LRBA: variants seen among roughly 807,000 people sequenced by gnomAD.
LRBA encodes lipopolysaccharide-responsive and beige-like anchor protein.
In LRBA, 176 loss-of-function variants were observed where a neutral mutation model predicts 330.0. The ratio of observed to expected loss-of-function variants is 0.53; its 90% CI spans 0.47 to 0.60. The LOEUF (loss-of-function observed/expected upper bound fraction) is 0.60, where lower values mean the gene tolerates loss of function less well. LRBA is among the 20% of genes least tolerant of loss of function. The pLI is 0.00. For synonymous variants in LRBA, 1,230 were observed against 1,193.0 expected (o/e 1.03, Z -0.64); for missense variants, 3,259 against 3,444.8 (o/e 0.95, Z 1.35).
At chr4:150,915,781 G>A (rs16998833) in intron 7 of LRBA, 54 bp from the exon 8 acceptor site, 37,176 of 1,442,128 alleles carry the variant, frequency 0.026, 557 homozygotes, top group Middle Eastern at 0.04. Context: ...TCCCAATAAC[G>A]CAACCATACT....
intron 47 of LRBA, among the ~76,000 whole-genome samples, chr4:150,374,395 T>C (rs946963471): frequency 2.0e-5 from 3 of 152,204 alleles, no homozygotes; most frequent in South Asian, 4.1e-4. Context: ...ATGGGCATAG[T>C]TCCTTTCCTT....
At chr4:150,982,718 C>A (rs1471690045) in intron 2 of LRBA, among the ~76,000 whole-genome samples, 2 of 151,820 alleles carry the variant, frequency 1.3e-5, no homozygotes, top group Non-Finnish European at 2.9e-5. Flanking sequence ...TAAGATGGGT[C>A]AAGTAACAAC....
chr4:150,663,295 T>C (rs1245680191), intron 37 of LRBA, among the ~76,000 whole-genome samples: 3 of 151,888 alleles, frequency 2.0e-5, no homozygotes, highest in Non-Finnish European at 2.9e-5. Flanking sequence ...AGTCACTGTA[T>C]ATATATGAAG....
chr4:150,870,524 C>G lies in LRBA; in HGVS notation c.2449+1G>C. On this transcript the variant is annotated splice_donor_variant, in intron 20 of 56. Transcript: ENST00000651943. LOFTEE classifies it high-confidence loss of function. ...TTTGTTAAAGTATATAAAATACATA[C>G]GAGGGTTTTGTATCTTCACTGAAGA... 1 of 1,539,592 alleles carries G rather than the reference C, an allele frequency of 6.5e-7. No individual in the cohort carries two copies. Among genetic ancestry groups the G allele is most frequent in the Non-Finnish European group, 9.0e-7 (1 of 1,113,544 alleles).
chr4:150,350,804 C>G (rs751443527), intron 47 of LRBA, among the ~76,000 whole-genome samples: 1 of 152,022 alleles, frequency 6.6e-6, no homozygotes, highest in Non-Finnish European at 1.5e-5. Context: ...AGAAAGGAAG[C>G]CATACAAGGC....
chr4:150,896,475 G>T lies in LRBA; in HGVS notation c.2005-19C>A. On this transcript the variant is annotated intron_variant, in intron 15 of 56. Transcript: ENST00000651943. ...CAGAATCCTTCAAAAACATAATACA[G>T]GTATCTTACGTTTACATGTAAAAAA... The T allele has an allele frequency of 2.3e-6, 3 of 1,326,940 alleles. No homozygotes were observed. The highest frequency in any genetic ancestry group is 1.5e-5 in the African/African-American group (1 of 67,072). 82.2% of individuals were successfully genotyped at this position (1,326,940 alleles called of 1,614,324 possible). A position where few individuals can be genotyped will look rare whatever the true frequency, so the allele number is the denominator to read the frequency against.
intron 37 of LRBA, among the ~76,000 whole-genome samples, chr4:150,619,000 T>C (rs1776049129): frequency 1.3e-5 from 2 of 152,000 alleles, no homozygotes; most frequent in African/African-American, 4.8e-5. Flanking sequence ...CTCTACATTT[T>C]AATTTGCTGG....
At chr4:150,368,483 G>A (rs1408621840) in intron 47 of LRBA, among the ~76,000 whole-genome samples, 2 of 152,070 alleles carry the variant, frequency 1.3e-5, no homozygotes, top group Non-Finnish European at 2.9e-5. Context: ...CAGCATCTAA[G>A]TTAGAACATT....
intron 2 of LRBA, among the ~76,000 whole-genome samples, chr4:150,998,946 T>C (rs1301353803): frequency 6.6e-6 from 1 of 152,252 alleles, no homozygotes; most frequent in Non-Finnish European, 1.5e-5. Context: ...GTTGGTCCTA[T>C]ATTTATTCAA....
At chr4:150,844,324 T>C (rs1749537655) in intron 27 of LRBA, 117 bp from the exon 28 acceptor site, 4 of 567,322 alleles carry the variant, frequency 7.1e-6, no homozygotes, top group Non-Finnish European at 1.2e-5. Context: ...ATAGCATTCC[T>C]TTCCCCACTT....
chr4:150,330,577 G>A (rs1022598596), intron 48 of LRBA, among the ~76,000 whole-genome samples: 2 of 152,108 alleles, frequency 1.3e-5, no homozygotes, highest in Non-Finnish European at 2.9e-5. Flanking sequence ...TTCTCATAGG[G>A]AGCGTGCAAC....
intron 47 of LRBA, among the ~76,000 whole-genome samples, chr4:150,411,901 G>C (rs1747065377): frequency 6.6e-6 from 1 of 151,924 alleles, no homozygotes; most frequent in African/African-American, 2.4e-5. Context: ...AAGAGGAGGG[G>C]GATGAAACTC....
rs528623304 is a variant in LRBA at position 150,724,875 on chromosome 4, T to A, written c.5754+10383A>T. On this transcript the variant is annotated intron_variant, in intron 36 of 56. Coordinates refer to ENST00000651943, the MANE Select transcript of LRBA (RefSeq NM_001364905.1). Reference sequence around the variant, plus strand: ...AATAAAATAAATTTAAATATATGTATATATATACATATATATATGTATATA... The same window carrying A: ...AATAAAATAAATTTAAATATATGTAAATATATACATATATATATGTATATA... Among the ~76,000 whole-genome samples, 143 of 147,086 alleles carry A rather than the reference T, an allele frequency of 9.7e-4. 1 individual carries two copies. Among genetic ancestry groups the A allele is most frequent in the African/African-American group, 3.5e-3 (140 of 40,326 alleles).
chr4:150,819,636 A>C (rs1246595350), intron 30 of LRBA, among the ~76,000 whole-genome samples: 2 of 152,106 alleles, frequency 1.3e-5, no homozygotes, highest in Non-Finnish European at 2.9e-5. Flanking sequence ...ACTTTTCTGT[A>C]TGCCTGAACA....
chr4:150,455,424 C>A (rs1316297681), intron 44 of LRBA, among the ~76,000 whole-genome samples: 4 of 151,872 alleles, frequency 2.6e-5, no homozygotes, highest in Non-Finnish European at 4.4e-5. Context: ...AAATGTGGCA[C>A]ATATACACCA....
At chr4:150,422,601 G>T (rs1748971177) in intron 46 of LRBA, 3 of 561,928 alleles carry the variant, frequency 5.3e-6, no homozygotes, top group African/African-American at 3.8e-5. Flanking sequence ...TTAGACATCA[G>T]GTTCCCCAAG....
At chr4:150,772,656 G>A (rs1432857935) in intron 34 of LRBA, among the ~76,000 whole-genome samples, 1 of 152,088 alleles carries the variant, frequency 6.6e-6, no homozygotes, top group African/African-American at 2.4e-5. Context: ...AGGATGTCAG[G>A]GCCTTGCTCC....
intron 56 of LRBA, among the ~76,000 whole-genome samples, chr4:150,274,521 G>T (rs551404209): frequency 2.4e-4 from 36 of 151,914 alleles, no homozygotes; most frequent in Admixed American, 5.9e-4. Flanking sequence ...TGGTTTTTTT[G>T]AAATGATCAA....
At chr4:150,419,756 G>A (rs547127043) in intron 46 of LRBA, among the ~76,000 whole-genome samples, 1 of 148,696 alleles carries the variant, frequency 6.7e-6, no homozygotes, top group Non-Finnish European at 1.5e-5. Flanking sequence ...TCATGCCTCA[G>A]CTTCCTTAGT....
Sources: allele counts gnomAD v4.1 joint callset (sites outside exome capture counted in the v4.1 genomes callset), GRCh38; gene constraint gnomAD v4.1.1; transcripts MANE v1.5; gene names NCBI Gene and HGNC (gene_info 2026-07-23, HGNC 2026-07-21).